Variants in RHBDD2 observed in about 807,000 individuals in gnomAD.
RHBDD2 encodes rhomboid domain containing 2.
A neutral mutation model predicts 21.7 loss-of-function variants in RHBDD2; 13 were observed. The observed-to-expected ratio is 0.60, with a 90% CI of 0.39 to 0.95. The LOEUF (loss-of-function observed/expected upper bound fraction) is 0.95. Ranked by LOEUF, RHBDD2 falls within the 40% of genes least tolerant of loss-of-function variation. The probability of loss-of-function intolerance (pLI) is 0.00; values close to 1 mark genes in which losing one functional copy is unlikely to be tolerated. For missense variants in RHBDD2, 473 were observed against 478.9 expected, an observed-to-expected ratio of 0.99 and a Z score of 0.11; for synonymous variants, 225 against 220.0, an observed-to-expected ratio of 1.02 and a Z score of -0.20.
rs1554541964 is a variant in RHBDD2 at position 75,879,163 on chromosome 7, C to G, written c.81C>G (p.Leu27=). 4 of 1,505,466 alleles carry G rather than the reference C, an allele frequency of 2.7e-6. No homozygotes were observed. The highest frequency in any genetic ancestry group is 2.9e-5 in the East Asian group (1 of 34,944). 93.3% of individuals were successfully genotyped at this position (1,505,466 alleles called of 1,614,324 possible). A position where few individuals can be genotyped will look rare whatever the true frequency, so the allele number is the denominator to read the frequency against. The change falls in exon 1 of 4, where the codon CTC becomes CTG. Residue 27 remains leucine (L), a synonymous_variant. Transcript: ENST00000006777. The stretch of plus-strand genomic sequence containing the variant: ...CCGCCACCTTCTTCACTGCGCTGCT[C>G]TCGCTGCTGGTTTCCGGGCCTCGCC... The part of the protein sequence containing the change: ...VPSATFFTAL[L]SLLVSGPRLF...
In RHBDD2 at chr7:75,883,900, A is replaced by ATAT; in HGVS notation, c.737+53_737+54insATT. On this transcript the variant is annotated intron_variant, in intron 3 of 3. Transcript: ENST00000006777. ...TTAAATCTTTTTTAAAAAAAAAATT[A>ATAT]TTTTTTTTTTTTGAGACGGAGTCTC... 2.6e-5 allele frequency: 30 copies of ATAT among 1,155,544 alleles called. No individual in the cohort carries two copies. In the African/African-American group the frequency reaches 3.8e-4, roughly 15 times the overall value. The allele number at this position is 1,155,544 out of a possible 1,614,324, so 71.6% of individuals were successfully genotyped here. A position where few individuals can be genotyped will look rare whatever the true frequency, so the allele number is the denominator to read the frequency against.
chr7:75,887,351 T>C (rs548451116), intron 3 of RHBDD2, among the ~76,000 whole-genome samples: 186 of 149,584 alleles, frequency 1.2e-3, no homozygotes, highest in African/African-American at 4.5e-3. Flanking sequence ...AGAGTCTTGC[T>C]CTGTCACCCA....
intron 1 of RHBDD2, chr7:75,881,545 G>C: frequency 7.4e-7 from 1 of 1,358,854 alleles, no homozygotes. Flanking sequence ...TTCAGAGACT[G>C]CCCTCTACCG....
At chr7:75,887,464 C>A (rs1195404067) in intron 3 of RHBDD2, among the ~76,000 whole-genome samples, 13 of 151,474 alleles carry the variant, frequency 8.6e-5, no homozygotes, top group African/African-American at 2.4e-4. Flanking sequence ...ACTACAGGCG[C>A]CTGCCACCAC....
chr7:75,879,643 C>T (rs1805202280), intron 1 of RHBDD2, among the ~76,000 whole-genome samples: 1 of 152,204 alleles, frequency 6.6e-6, no homozygotes, highest in African/African-American at 2.4e-5. Context: ...TGCTTTAGGC[C>T]TAAGCCCCAC....
chr7:75,888,328 C>T lies in RHBDD2; in HGVS notation c.1074C>T (p.Ser358=). Residue 358 remains serine, a synonymous_variant, in exon 4 of 4, where the codon TCC becomes TCT. Coordinates refer to ENST00000006777, the MANE Select transcript of RHBDD2 (RefSeq NM_001040456.3). ...CAGGGGCTGCAGGCTCCAAGGAGTC[C>T]TCCAGGGTCCCCATGCCCTGAGAGA... ...GTPGAAGSKE[S]SRVPMP is the part of the protein sequence containing the mutation. The T allele has an allele frequency of 6.2e-7, 1 of 1,610,954 alleles. No homozygotes were observed. Among genetic ancestry groups the T allele is most frequent in the Non-Finnish European group, 8.5e-7 (1 of 1,179,294 alleles).
At chr7:75,886,522 C>T (rs1252855074) in intron 3 of RHBDD2, among the ~76,000 whole-genome samples, 1 of 152,080 alleles carries the variant, frequency 6.6e-6, no homozygotes, top group Non-Finnish European at 1.5e-5. Context: ...GAAAGTTCTT[C>T]CATGCTGAAG....
At chr7:75,879,690 T>C (rs1479956793) in intron 1 of RHBDD2, among the ~76,000 whole-genome samples, 1 of 152,204 alleles carries the variant, frequency 6.6e-6, no homozygotes, top group African/African-American at 2.4e-5. Flanking sequence ...TCACGACAAT[T>C]GGACTTTATC....
At position 75,883,503 on chromosome 7, in the gene RHBDD2, A is replaced by G. The variant is rs541020175; in HGVS notation, c.587-195A>G. ...ACTGCACTCCAGCCTGGGCTGCTAG[A>G]GTGAGACTCCATCTCAAAAAAAAAA... On this transcript the variant is annotated intron_variant, in intron 2 of 3. Coordinates refer to ENST00000006777, the MANE Select transcript of RHBDD2 (RefSeq NM_001040456.3). 14 of 477,024 alleles carry G rather than the reference A, an allele frequency of 2.9e-5. No homozygotes were observed. The Admixed American group carries it at 5.2e-4, about 18-fold the overall frequency. 29.5% of individuals were successfully genotyped at this position (477,024 alleles called of 1,614,324 possible).
chr7:75,882,322 T>C (rs1554542809), intron 2 of RHBDD2, 86 bp downstream of exon 2: 6 of 1,260,942 alleles, frequency 4.8e-6, no homozygotes, highest in African/African-American at 4.5e-5. Context: ...GTAGATAAAA[T>C]TGGGCTTACT....
intron 3 of RHBDD2, among the ~76,000 whole-genome samples, chr7:75,887,563 A>G (rs1197926449): frequency 1.3e-5 from 2 of 151,692 alleles, no homozygotes; most frequent in African/African-American, 4.9e-5. Context: ...ACCTCAGATG[A>G]TCCACCCGCC....
At chr7:75,887,759 C>T (rs1805767799) in intron 3 of RHBDD2, among the ~76,000 whole-genome samples, 1 of 152,040 alleles carries the variant, frequency 6.6e-6, no homozygotes. Flanking sequence ...GTGGCAGGTC[C>T]AGTGTCCTTT....
At chr7:75,885,843 C>T (rs1291194427) in intron 3 of RHBDD2, among the ~76,000 whole-genome samples, 2 of 152,146 alleles carry the variant, frequency 1.3e-5, no homozygotes, top group Admixed American at 6.6e-5. Context: ...CTGAGCTCCA[C>T]CTCTAGTGCT....
In RHBDD2 at chr7:75,888,708, G is replaced by A. The variant is rs1449186305; in HGVS notation, c.*359G>A. ...TCCTCCCTGTGGCTGTGCCGTGCTC[G>A]TGGTTTCAGTGTCCGTGTGTCCATG... On this transcript the variant is annotated 3_prime_UTR_variant, in exon 4 of 4. Transcript: ENST00000006777. 2.2e-5 allele frequency: 6 copies of A among 278,250 alleles called. No homozygotes were observed. In the South Asian group the frequency reaches 2.4e-4, roughly 11 times the overall value. The allele number at this position is 278,250 out of a possible 1,614,324, so 17.2% of individuals were successfully genotyped here.
chr7:75,886,871 C>T (rs1279222596), intron 3 of RHBDD2, among the ~76,000 whole-genome samples: 1 of 151,912 alleles, frequency 6.6e-6, no homozygotes. Context: ...ACAGACACTG[C>T]CACACCCAGT....
chr7:75,881,936 A>C lies in RHBDD2; in HGVS notation c.286A>C (p.Thr96Pro), dbSNP rs1554542618. The change falls in exon 2 of 4, where the codon ACC (threonine) becomes CCC (proline). Residue 96 changes from threonine (T) to proline (P), a missense_variant. By Grantham distance (38) the Thr-to-Pro change is conservative (BLOSUM62 -1). Transcript: ENST00000006777. ...TGGCAATTTCGAGAGAACCGTGGGC[A>C]CCGTCCGCCACTGCTTCTTCACCGT... The part of the protein sequence containing the change: ...FAGNFERTVG[T>P]VRHCFFTVIF... 1 of 1,614,172 alleles carries C rather than the reference A, an allele frequency of 6.2e-7. No individual in the cohort carries two copies. Among genetic ancestry groups the C allele is most frequent in the Non-Finnish European group, 8.5e-7 (1 of 1,180,036 alleles).
chr7:75,879,399 GC>G, intron 1 of RHBDD2, 139 bp downstream of exon 1: 3 of 792,484 alleles, frequency 3.8e-6, no homozygotes, highest in South Asian at 2.2e-5. Flanking sequence ...CACCATGCCC[GC>G]CCCCCGGAGG....
rs1264538658 is a variant in RHBDD2, at chr7:75,885,724, G to C, written c.737+1876G>C. ...ATTGAGAGAGGGAGGGAGGTGCTGG[G>C]CTCTTAAACACCCAGCTCTTACCTA... On this transcript the variant is annotated intron_variant, in intron 3 of 3. Transcript: ENST00000006777. 2.0e-5 allele frequency among the ~76,000 whole-genome samples: 3 copies of C among 152,060 alleles called. No individual in the cohort carries two copies. In the East Asian group the frequency reaches 5.8e-4, roughly 29 times the overall value.
At position 75,879,098 on chromosome 7, in the gene RHBDD2, C is replaced by A. The variant is rs1554541930; in HGVS notation, c.16C>A (p.Pro6Thr). The change falls in exon 1 of 4, where the codon CCC (proline) becomes ACC (threonine). Residue 6 changes from proline (P) to threonine (T), a missense_variant. By Grantham distance (38) the Pro-to-Thr change is conservative (BLOSUM62 -1). Coordinates refer to ENST00000006777, the MANE Select transcript of RHBDD2 (RefSeq NM_001040456.3). MAASG[P>T]GCRSWCLCPE... ...GACGGCGGCCATGGCGGCCTCGGGG[C>A]CCGGGTGTCGCAGCTGGTGCTTGTG... 1 of 1,367,618 alleles carries A rather than the reference C, an allele frequency of 7.3e-7. No individual in the cohort carries two copies. The highest frequency in any genetic ancestry group is 2.6e-4 in the Middle Eastern group (1 of 3,786). The allele number at this position is 1,367,618 out of a possible 1,614,324, so 84.7% of individuals were successfully genotyped here. A position where few individuals can be genotyped will look rare whatever the true frequency, so the allele number is the denominator to read the frequency against.
Sources: allele counts gnomAD v4.1 joint callset (sites outside exome capture counted in the v4.1 genomes callset), GRCh38; gene constraint gnomAD v4.1.1; transcripts MANE v1.5; gene names NCBI Gene and HGNC (gene_info 2026-07-23, HGNC 2026-07-21).